Variants in USH2A observed in about 807,000 individuals in gnomAD.
USH2A encodes usherin.
Under a neutral mutation model 538.9 loss-of-function variants are expected in USH2A, and 443 were observed. The ratio of observed to expected loss-of-function variants is 0.82; its 90% CI spans 0.76 to 0.89. The LOEUF (loss-of-function observed/expected upper bound fraction) is 0.89, where lower values mean the gene tolerates loss of function less well. USH2A is among the 40% of genes least tolerant of loss of function. USH2A has a pLI of 0.00. For synonymous variants in USH2A, 2,413 were observed against 2,273.5 expected (o/e 1.06, Z -1.75); for missense variants, 6,633 against 6,324.8 (o/e 1.05, Z -1.65).
At chr1:215,930,877 T>A (rs1258769878) in intron 38 of USH2A, among the ~76,000 whole-genome samples, 1 of 152,036 alleles carries the variant, frequency 6.6e-6, no homozygotes, top group African/African-American at 2.4e-5. Flanking sequence ...TTTATTTTTT[T>A]AATTCTTTTC....
chr1:216,083,706 C>G, intron 25 of USH2A, 120 bp from the exon 26 acceptor site: 1 of 1,004,052 alleles, frequency 1.0e-6, no homozygotes, highest in Non-Finnish European at 1.5e-6. Context: ...AAAGAAGATG[C>G]AAATCAATGT....
intron 62 of USH2A, among the ~76,000 whole-genome samples, chr1:215,678,066 T>G (rs569449978): frequency 1.4e-4 from 22 of 152,302 alleles, no homozygotes; most frequent in Non-Finnish European, 2.6e-4. Context: ...GAATGTATCT[T>G]CGATTCACCT....
intron 4 of USH2A, among the ~76,000 whole-genome samples, chr1:216,351,953 T>C (rs2038295840): frequency 6.6e-6 from 1 of 152,026 alleles, no homozygotes; most frequent in Non-Finnish European, 1.5e-5. Flanking sequence ...AGGAAGACCA[T>C]GGAAGAAGTA....
intron 9 of USH2A, among the ~76,000 whole-genome samples, chr1:216,308,549 TA>T (rs1251998237): frequency 1.3e-5 from 2 of 152,224 alleles, no homozygotes; most frequent in African/African-American, 2.4e-5. Flanking sequence ...TTGCTTAATT[TA>T]AATGTTACCT....
At chr1:215,900,020 A>G (rs188452948) in intron 40 of USH2A, 55 bp downstream of exon 40, 11 of 1,611,390 alleles carry the variant, frequency 6.8e-6, no homozygotes, top group Admixed American at 5.0e-5. Flanking sequence ...AATTGAAGAC[A>G]TTTTAAGCTC....
intron 20 of USH2A, among the ~76,000 whole-genome samples, chr1:216,187,246 C>T (rs747492820): frequency 9.9e-5 from 15 of 151,882 alleles, no homozygotes; most frequent in Non-Finnish European, 2.2e-4. Flanking sequence ...TAGCACATGT[C>T]GCCATGGTGT....
In USH2A at chr1:215,774,683, G is replaced by A. The variant is rs144977486; in HGVS notation, c.10939+5160C>T. ...CAGCAAAATCTGATGTTGCTCAAAC[G>A]TGAGACAATGAGGACATTGCAGAGG... On this transcript the variant is annotated intron_variant, in intron 55 of 71. Coordinates refer to ENST00000307340, the MANE Select transcript of USH2A (RefSeq NM_206933.4). Among the ~76,000 whole-genome samples the A allele has an allele frequency of 3.9e-5, 6 of 152,038 alleles. No homozygotes were observed. The East Asian group carries it at 5.8e-4, about 15-fold the overall frequency.
chr1:216,159,554 A>G (rs2034012619), intron 21 of USH2A, among the ~76,000 whole-genome samples: 2 of 151,054 alleles, frequency 1.3e-5, no homozygotes, highest in Non-Finnish European at 3.0e-5. Flanking sequence ...ACACACACAC[A>G]CACACACACA....
At chr1:216,276,436 C>T (rs2036671491) in intron 11 of USH2A, among the ~76,000 whole-genome samples, 1 of 152,090 alleles carries the variant, frequency 6.6e-6, no homozygotes, top group Non-Finnish European at 1.5e-5. Context: ...AGACAACGTC[C>T]AGTCCAGGAG....
chr1:215,910,677 CATTT>C (rs1390150203), intron 38 of USH2A, among the ~76,000 whole-genome samples: 2 of 151,932 alleles, frequency 1.3e-5, no homozygotes, highest in African/African-American at 4.8e-5. Context: ...ATGCTTTACT[CATTT>C]ATTATTTCTT....
rs1661679956 is a variant in USH2A, at chr1:215,782,802, C to T, written c.10521G>A (p.Trp3507Ter). Residue 3507 changes from tryptophan (W) to a stop codon, truncating the protein, a stop_gained, in exon 53 of 72, where the codon TGG becomes TGA. Coordinates refer to ENST00000307340, the MANE Select transcript of USH2A (RefSeq NM_206933.4). LOFTEE classifies it high-confidence loss of function. ...TATCTTCAAGATTGTCTATTTTGGT[C>T]CACGTAGGGGGACTCACTCCTTGAG... ...DVPQGVSPPT[W>*]TKIDNLEDTI... 6.2e-7 allele frequency: 1 copy of T among 1,613,946 alleles called. No homozygotes were observed. Among genetic ancestry groups the T allele is most frequent in the Non-Finnish European group, 8.5e-7 (1 of 1,179,914 alleles).
At chr1:215,810,493 TAG>T (rs531012712) in intron 49 of USH2A, among the ~76,000 whole-genome samples, 3 of 152,152 alleles carry the variant, frequency 2.0e-5, no homozygotes, top group Non-Finnish European at 4.4e-5. Context: ...GGATATTTTG[TAG>T]AGTTTGAATA....
chr1:216,415,508 C>CTTTTTTTTTTTTTTTTT (rs71161423), intron 3 of USH2A, among the ~76,000 whole-genome samples: 3 of 96,876 alleles, frequency 3.1e-5, no homozygotes, highest in Non-Finnish European at 4.0e-5. Flanking sequence ...CTTCCTGTCA[C>CTTTTTTTTTTTTTTTTT]TTTTTTTTTT....
chr1:216,200,702 G>A (rs2034968016), intron 16 of USH2A, among the ~76,000 whole-genome samples: 2 of 152,130 alleles, frequency 1.3e-5, no homozygotes. Flanking sequence ...GGATTGTGAG[G>A]GCAAAGAGAA....
In USH2A at chr1:216,074,262, G is replaced by A. The variant is rs1404481069; in HGVS notation, c.5573-962C>T. Among the ~76,000 whole-genome samples, 8 of 152,162 alleles carry A rather than the reference G, an allele frequency of 5.3e-5. No individual in the cohort carries two copies. The East Asian group carries it at 5.8e-4, about 11-fold the overall frequency. On this transcript the variant is annotated intron_variant, in intron 27 of 71. Transcript: ENST00000307340. Reference sequence around the variant, plus strand: ...TCAGTGAAGTCTGGCAGTACTCTGCGCAGAAAACTGCACGAAATTGGGACA... The same window carrying A: ...TCAGTGAAGTCTGGCAGTACTCTGCACAGAAAACTGCACGAAATTGGGACA...
chr1:216,030,477 T>C (rs1306290881), intron 32 of USH2A, among the ~76,000 whole-genome samples: 1 of 138,012 alleles, frequency 7.2e-6, no homozygotes. Flanking sequence ...ATAATATATA[T>C]GATATATAGA....
At chr1:215,969,668 C>A (rs903182177) in intron 36 of USH2A, among the ~76,000 whole-genome samples, 1 of 151,858 alleles carries the variant, frequency 6.6e-6, no homozygotes, top group Admixed American at 6.6e-5. Context: ...GACTACAGCT[C>A]AGCTCCGCCG....
At chr1:216,410,317 G>C (rs1294635310) in intron 3 of USH2A, among the ~76,000 whole-genome samples, 1 of 151,956 alleles carries the variant, frequency 6.6e-6, no homozygotes, top group African/African-American at 2.4e-5. Flanking sequence ...AAAAAAAACA[G>C]AACTACCATT....
rs531129798 is a variant in USH2A at position 216,160,118 on chromosome 1, T to C, written c.4627+15134A>G. On this transcript the variant is annotated intron_variant, in intron 21 of 71. Coordinates refer to ENST00000307340, the MANE Select transcript of USH2A (RefSeq NM_206933.4). ...TCAATTCTTGGTCTTATTTTCTCCA[T>C]TACATTTCTGTTTGCTATATCATTG... Among the ~76,000 whole-genome samples, 32 of 152,218 alleles carry C rather than the reference T, an allele frequency of 2.1e-4. 1 individual carries two copies. In the South Asian group the frequency reaches 6.4e-3, roughly 31 times the overall value.
Sources: allele counts gnomAD v4.1 joint callset (sites outside exome capture counted in the v4.1 genomes callset), GRCh38; gene constraint gnomAD v4.1.1; transcripts MANE v1.5; gene names NCBI Gene and HGNC (gene_info 2026-07-23, HGNC 2026-07-21).